The following TBL1X variants were observed in gnomAD, a reference collection of about 807,000 sequenced individuals.
The protein encoded by TBL1X is F-box-like/WD repeat-containing protein TBL1X.
A neutral mutation model predicts 50.7 loss-of-function variants in TBL1X; 10 were observed. That is an observed-to-expected ratio of 0.20 (90% CI 0.12 to 0.33). TBL1X has a LOEUF of 0.33. Ranked by LOEUF, TBL1X falls within the 10% of genes least tolerant of loss-of-function variation. The probability of loss-of-function intolerance (pLI) is 1.00; values close to 1 mark genes in which losing one functional copy is unlikely to be tolerated. For missense variants in TBL1X, 340 were observed against 504.4 expected (o/e 0.67, Z 3.12); for synonymous variants, 190 against 214.7 (o/e 0.88, Z 1.01).
At chrX:9,700,591 G>A (rs1751717923) in intron 12 of TBL1X, among the ~76,000 whole-genome samples, 1 of 111,543 alleles carries the variant, frequency 9.0e-6, no homozygotes, top group Non-Finnish European at 1.9e-5. Flanking sequence ...GTGTGTTAAA[G>A]AACGTTCAAA....
chrX:9,654,865 C>A (rs1026414116), intron 5 of TBL1X, among the ~76,000 whole-genome samples: 3 of 111,510 alleles, frequency 2.7e-5, no homozygotes, highest in African/African-American at 6.5e-5. Flanking sequence ...TTGAGCTGAG[C>A]AGCTGCCCTC....
intron 4 of TBL1X, 120 bp downstream of exon 4, chrX:9,653,809 TC>T: frequency 3.1e-6 from 2 of 637,561 alleles, no homozygotes; most frequent in Non-Finnish European, 4.8e-6. Context: ...GTTGAATCCC[TC>T]CACGTCTGCC....
intron 2 of TBL1X, among the ~76,000 whole-genome samples, chrX:9,541,860 A>G (rs2082216442): frequency 9.0e-6 from 1 of 111,349 alleles, no homozygotes; most frequent in African/African-American, 3.3e-5. Context: ...CTTAAAGTTG[A>G]CAACGATCAC....
At chrX:9,589,316 G>A (rs1215363974) in intron 2 of TBL1X, among the ~76,000 whole-genome samples, 3 of 109,154 alleles carry the variant, frequency 2.7e-5, no homozygotes, top group Non-Finnish European at 3.8e-5. Flanking sequence ...CAAGATGGGG[G>A]CAGGGTTGTT....
chrX:9,644,927 G>C (rs1160348201), intron 3 of TBL1X: 3 of 111,991 alleles, frequency 2.7e-5, no homozygotes, highest in Non-Finnish European at 5.6e-5. Context: ...CAAAGTGCTG[G>C]GATTAACAGG....
At chrX:9,479,965 T>TGTGTGTGTGTGTG (rs1313372994) in intron 1 of TBL1X, among the ~76,000 whole-genome samples, 5 of 108,649 alleles carry the variant, frequency 4.6e-5, no homozygotes, top group African/African-American at 1.0e-4. Flanking sequence ...TGTGTGTGTG[T>TGTGTGTGTGTGTG]TTGAGATGGA....
chrX:9,613,000 A>T (rs1410779735), intron 2 of TBL1X, among the ~76,000 whole-genome samples: 1 of 110,055 alleles, frequency 9.1e-6, no homozygotes, highest in African/African-American at 3.3e-5. Flanking sequence ...ATTTTCAAAG[A>T]TTAACTCTCC....
intron 2 of TBL1X, among the ~76,000 whole-genome samples, chrX:9,590,851 G>T (rs962142558): frequency 1.8e-5 from 2 of 110,558 alleles, no homozygotes; most frequent in African/African-American, 6.6e-5. Context: ...CTTACTGTGG[G>T]GGTGGGGAGG....
intron 2 of TBL1X, among the ~76,000 whole-genome samples, chrX:9,547,380 C>T (rs927301925): frequency 1.3e-4 from 14 of 110,437 alleles, no homozygotes; most frequent in African/African-American, 4.3e-4. Flanking sequence ...AGTGCAATGG[C>T]GCGATCTCGA....
At chrX:9,600,475 G>GGGGGGGGGA (rs1555899127) in intron 2 of TBL1X, among the ~76,000 whole-genome samples, 15 of 73,693 alleles carry the variant, frequency 2.0e-4, no homozygotes, top group African/African-American at 8.0e-4. Context: ...TGGGCGGGGG[G>GGGGGGGGGA]GGGGGTACAC....
In TBL1X at chrX:9,653,626, C is replaced by T. The variant is rs779687124; in HGVS notation, c.40C>T (p.Arg14Cys). The change falls in exon 4 of 18, where the codon CGC (arginine) becomes TGC (cysteine). Residue 14 changes from arginine (R) to cysteine (C), a missense_variant. Arg to Cys is a radical substitution (Grantham distance 180, BLOSUM62 -3). Around this residue, in one of 6 missense-constraint regions of TBL1X, gnomAD observed 41 missense variants for 48.6 expected, o/e 0.84. Transcript: ENST00000645353. Reference sequence around the variant, plus strand: ...TGGCGCCTCTTCATCGTGCTGCCACCGCCCTGCAGGAAGAGGGGCCATGCA... The same window carrying T: ...TGGCGCCTCTTCATCGTGCTGCCACTGCCCTGCAGGAAGAGGGGCCATGCA... ...LAGASSSCCH[R>C]PAGRGAMQSV... 2.6e-5 allele frequency: 31 copies of T among 1,172,156 alleles called. No individual in the cohort carries two copies. Among genetic ancestry groups the T allele is most frequent in the South Asian group, 3.8e-5 (2 of 52,789 alleles).
intron 1 of TBL1X, among the ~76,000 whole-genome samples, chrX:9,485,935 A>G (rs759347193): frequency 9.0e-5 from 10 of 111,109 alleles, no homozygotes; most frequent in African/African-American, 2.6e-4. Flanking sequence ...GTTTGGGGAA[A>G]GGTAATACTT....
chrX:9,605,566 C>A (rs774134372), intron 2 of TBL1X, among the ~76,000 whole-genome samples: 1 of 112,231 alleles, frequency 8.9e-6, no homozygotes, highest in African/African-American at 3.2e-5. Context: ...GGCTTTTCTT[C>A]TAATTAAAAA....
intron 1 of TBL1X, among the ~76,000 whole-genome samples, chrX:9,467,051 TTAAAGA>T (rs952989596): frequency 3.6e-5 from 4 of 112,383 alleles, no homozygotes; most frequent in Non-Finnish European, 7.5e-5. Flanking sequence ...GTCAGTGGTT[TTAAAGA>T]GGAAACAGTT....
At chrX:9,536,452 A>T (rs749042607) in intron 2 of TBL1X, among the ~76,000 whole-genome samples, 4 of 110,438 alleles carry the variant, frequency 3.6e-5, no homozygotes, top group Non-Finnish European at 7.6e-5. Context: ...AGGTTTCACC[A>T]TGTGGGCCAG....
intron 2 of TBL1X, among the ~76,000 whole-genome samples, chrX:9,623,241 A>G (rs1280143601): frequency 1.8e-5 from 2 of 112,379 alleles, no homozygotes; most frequent in African/African-American, 3.2e-5. Context: ...AAATTGAAGG[A>G]TAATATGTCA....
rs63110360 is a variant in TBL1X at position 9,509,482 on chromosome X, C to CTTTTTT, written c.-131+7648_-131+7653dup. Among the ~76,000 whole-genome samples, 23 of 63,549 alleles carry CTTTTTT rather than the reference C, an allele frequency of 3.6e-4. 1 individual carries two copies. The highest frequency in any genetic ancestry group is 7.4e-4 in the Admixed American group (3 of 4,034). 55.2% of individuals were successfully genotyped at this position (63,549 alleles called of 115,157 possible). On this transcript the variant is annotated intron_variant, in intron 2 of 17. Transcript: ENST00000645353. ...GCATCATTTTGTATGTACAGAATCG[C>CTTTTTT]TTTTTTTTTTTTTTTTTTTTGAGTC...
At chrX:9,493,956 C>T (rs1293681708) in intron 1 of TBL1X, among the ~76,000 whole-genome samples, 1 of 111,460 alleles carries the variant, frequency 9.0e-6, no homozygotes, top group East Asian at 2.8e-4. Context: ...GGAATTGTCT[C>T]TCTTTTTCTG....
chrX:9,615,140 A>T (rs930495565), intron 2 of TBL1X, among the ~76,000 whole-genome samples: 1 of 111,567 alleles, frequency 9.0e-6, no homozygotes, highest in Non-Finnish European at 1.9e-5. Flanking sequence ...GGAATGCTTT[A>T]CCCCTTTTCT....
Sources: gnomAD v4.1 joint callset for allele counts (sites outside exome capture counted in the v4.1 genomes callset) on GRCh38, gnomAD v4.1.1 for gene constraint, gnomAD v4.1.1 regional missense constraint, MANE v1.5 for transcripts, NCBI Gene and HGNC (gene_info 2026-07-23, HGNC 2026-07-21) for gene names.